Variants in PLEK observed in about 807,000 individuals in gnomAD.
PLEK encodes the protein pleckstrin, also known as platelet 47 kDa protein.
A neutral mutation model predicts 43.9 loss-of-function variants in PLEK; 25 were observed. That is an observed-to-expected ratio of 0.57 (90% CI 0.41 to 0.79). PLEK has a LOEUF of 0.79. Ranked by LOEUF, PLEK falls within the 30% of genes least tolerant of loss-of-function variation. PLEK has a pLI of 0.00. For synonymous variants in PLEK, 152 were observed against 144.4 expected (o/e 1.05, Z -0.38); for missense variants, 396 against 413.3 (o/e 0.96, Z 0.36).
intron 4 of PLEK, among the ~76,000 whole-genome samples, chr2:68,383,371 A>G (rs1673668882): frequency 6.6e-6 from 1 of 152,214 alleles, no homozygotes; most frequent in South Asian, 2.1e-4. Context: ...GAAAGAACTC[A>G]GGGGTTGATG....
In PLEK at chr2:68,382,652, C is replaced by T. The variant is rs1558498929; in HGVS notation, c.472+19C>T. 2 of 1,410,208 alleles carry T rather than the reference C, an allele frequency of 1.4e-6. No homozygotes were observed. The highest frequency in any genetic ancestry group is 3.4e-5 in the Admixed American group (2 of 59,088). 87.4% of individuals were successfully genotyped at this position (1,410,208 alleles called of 1,614,324 possible). A position where few individuals can be genotyped will look rare whatever the true frequency, so the allele number is the denominator to read the frequency against. ...TTCACAGGTAAAAGCACTTGCAGGCCTGAAATAGGGCGACTGGGAAGGCGA... is the reference window on the plus strand; with the variant it reads ...TTCACAGGTAAAAGCACTTGCAGGCTTGAAATAGGGCGACTGGGAAGGCGA... On this transcript the variant is annotated intron_variant, in intron 4 of 8. Transcript: ENST00000234313.
intron 1 of PLEK, 120 bp from the exon 2 acceptor site, chr2:68,380,208 A>T: frequency 1.3e-6 from 1 of 744,792 alleles, no homozygotes; most frequent in Non-Finnish European, 2.2e-6. Flanking sequence ...AGGAACAGAG[A>T]TGATGTCACC....
intron 1 of PLEK, among the ~76,000 whole-genome samples, chr2:68,369,582 G>T (rs748992914): frequency 6.7e-6 from 1 of 149,078 alleles, no homozygotes; most frequent in Non-Finnish European, 1.5e-5. Context: ...CCCCAAAACC[G>T]TACTTTTACC....
At chr2:68,388,797 C>A (rs1291993996) in intron 6 of PLEK, among the ~76,000 whole-genome samples, 1 of 152,010 alleles carries the variant, frequency 6.6e-6, no homozygotes, top group African/African-American at 2.4e-5. Flanking sequence ...GAGATGCCAT[C>A]CAAAAGACAA....
chr2:68,385,246 T>C (rs72894191), intron 4 of PLEK, among the ~76,000 whole-genome samples: 25,885 of 152,178 alleles, frequency 0.17, 2,873 homozygotes, highest in African/African-American at 0.32. Flanking sequence ...CAAATATCTA[T>C]CTTTTTTTGT....
rs1264809151 is a variant in PLEK, at chr2:68,395,948, T to C, written c.*132T>C. On this transcript the variant is annotated 3_prime_UTR_variant, in exon 9 of 9. Coordinates refer to ENST00000234313, the MANE Select transcript of PLEK (RefSeq NM_002664.3). The stretch of plus-strand genomic sequence containing the variant: ...GGAAGTTTTCATTTGCAGGGGGGTC[T>C]GAATGTAACTCACCATGTGGTGTGC... The C allele has an allele frequency of 8.1e-6, 6 of 736,664 alleles. No individual in the cohort carries two copies. The highest frequency in any genetic ancestry group is 1.4e-5 in the Non-Finnish European group (6 of 428,636). The allele number at this position is 736,664 out of a possible 1,614,324, so 45.6% of individuals were successfully genotyped here.
At chr2:68,382,428 G>T (rs375422289) in intron 3 of PLEK, 114 bp from the exon 4 acceptor site, 21 of 637,082 alleles carry the variant, frequency 3.3e-5, no homozygotes, top group Non-Finnish European at 5.3e-5. Context: ...TACCTGGGGT[G>T]GGGGAGCTTG....
At chr2:68,391,835 A>G (rs17035422) in intron 6 of PLEK, among the ~76,000 whole-genome samples, 3,552 of 152,256 alleles carry the variant, frequency 0.023, 77 homozygotes, top group African/African-American at 0.045. Context: ...ATATAATACT[A>G]TTTTTGGCTT....
intron 4 of PLEK, among the ~76,000 whole-genome samples, chr2:68,384,839 T>C (rs550351267): frequency 6.6e-6 from 1 of 152,338 alleles, no homozygotes; most frequent in South Asian, 2.1e-4. Flanking sequence ...TTAATTTTCT[T>C]ATCCTTAAAA....
chr2:68,391,675 T>G (rs1673861197), intron 6 of PLEK, among the ~76,000 whole-genome samples: 1 of 152,224 alleles, frequency 6.6e-6, no homozygotes, highest in Non-Finnish European at 1.5e-5. Context: ...GGAGGCACTG[T>G]TTGCTAAGAC....
At chr2:68,386,848 G>C (rs1673755126) in intron 5 of PLEK, among the ~76,000 whole-genome samples, 162 bp downstream of exon 5, 1 of 152,092 alleles carries the variant, frequency 6.6e-6, no homozygotes, top group Non-Finnish European at 1.5e-5. Flanking sequence ...GGCCCATTTA[G>C]AGCTTCTGTT....
intron 4 of PLEK, among the ~76,000 whole-genome samples, chr2:68,385,437 T>C (rs925729003): frequency 6.6e-5 from 10 of 152,206 alleles, no homozygotes; most frequent in Admixed American, 1.3e-4. Flanking sequence ...GCAGGTGATG[T>C]CATCAAATTT....
intron 6 of PLEK, among the ~76,000 whole-genome samples, chr2:68,392,260 C>T (rs3770648): frequency 0.3 from 44,910 of 151,084 alleles, 7,419 homozygotes; most frequent in East Asian, 0.69. Flanking sequence ...CAGGCATTTC[C>T]ATTCCTACTG....
At chr2:68,366,860 T>C (rs1673284404) in intron 1 of PLEK, among the ~76,000 whole-genome samples, 1 of 151,890 alleles carries the variant, frequency 6.6e-6, no homozygotes, top group Non-Finnish European at 1.5e-5. Flanking sequence ...CAAGTTTTTG[T>C]TTGTTTTTTT....
Position 68,382,602 on chromosome 2 carries a change from G to C in PLEK, c.441G>C (p.Lys147Asn), listed in dbSNP as rs553863637. ...GAATAAAAGAACTGAATCTAGAGAA[G>C]GACAAGAAGATTTTTAATCACTGCT... is the stretch of plus-strand genomic sequence containing the variant. ...EKGIKELNLE[K>N]DKKIFNHCFT... is the part of the protein sequence containing the mutation. Residue 147 changes from lysine (K) to asparagine (N), a missense_variant, in exon 4 of 9, where the codon AAG becomes AAC. Coordinates refer to ENST00000234313, the MANE Select transcript of PLEK (RefSeq NM_002664.3). 2.5e-5 allele frequency: 40 copies of C among 1,604,554 alleles called. No individual in the cohort carries two copies. The South Asian group carries it at 4.1e-4, about 16-fold the overall frequency.
intron 2 of PLEK, 46 bp from the exon 3 acceptor site, chr2:68,380,677 G>A (rs1673595243): frequency 6.3e-7 from 1 of 1,588,268 alleles, no homozygotes; most frequent in South Asian, 1.1e-5. Flanking sequence ...GGGGCCCCAA[G>A]CCCTTGAAAT....
At chr2:68,369,726 G>A (rs2103756954) in intron 1 of PLEK, among the ~76,000 whole-genome samples, 1 of 152,226 alleles carries the variant, frequency 6.6e-6, no homozygotes, top group Middle Eastern at 3.4e-3. Context: ...TTACAGGTGA[G>A]GAGACTCATG....
intron 3 of PLEK, 42 bp from the exon 4 acceptor site, chr2:68,382,496 GTTTT>G (rs763061886): frequency 5.2e-6 from 6 of 1,152,000 alleles, no homozygotes; most frequent in Admixed American, 1.9e-5. Context: ...ATCCAACTGG[GTTTT>G]TTTTTGTTTG....
At chr2:68,393,817 G>A (rs1673906992) in intron 7 of PLEK, among the ~76,000 whole-genome samples, 1 of 152,082 alleles carries the variant, frequency 6.6e-6, no homozygotes, top group South Asian at 2.1e-4. Flanking sequence ...CTTTTTTAGT[G>A]GGATACAGTG....
Sources: allele counts gnomAD v4.1 joint callset (sites outside exome capture counted in the v4.1 genomes callset), GRCh38; gene constraint gnomAD v4.1.1; transcripts MANE v1.5; gene names NCBI Gene and HGNC (gene_info 2026-07-23, HGNC 2026-07-21).